The following PCDH11X variants were observed in gnomAD, a reference collection of about 807,000 sequenced individuals.
PCDH11X encodes protocadherin 11 X-linked, also known as protocadherin-11 X-linked.
PCDH11X carries 18 observed loss-of-function variants against 53.3 expected under a neutral mutation model. That is an observed-to-expected ratio of 0.34 (90% CI 0.23 to 0.50). The LOEUF is 0.50. Ranked by LOEUF, PCDH11X falls within the 20% of genes least tolerant of loss-of-function variation. PCDH11X has a pLI of 0.98. For missense variants in PCDH11X, 570 were observed against 1,032.4 expected, an observed-to-expected ratio of 0.55 and a Z score of 6.14; for synonymous variants, 279 against 393.3, an observed-to-expected ratio of 0.71 and a Z score of 3.44.
At chrX:91,985,554 C>T (rs1401745484) in intron 6 of PCDH11X, among the ~76,000 whole-genome samples, 4 of 112,096 alleles carry the variant, frequency 3.6e-5, no homozygotes, top group East Asian at 2.8e-4. Flanking sequence ...GTTTAATTTA[C>T]GACATTCAGG....
chrX:92,178,693 A>C (rs998601663), intron 6 of PCDH11X, among the ~76,000 whole-genome samples: 1 of 111,744 alleles, frequency 8.9e-6, no homozygotes, highest in Non-Finnish European at 1.9e-5. Context: ...TGATTTACCA[A>C]GGATAGAAGG....
rs1249262957 is a variant in PCDH11X, at chrX:92,221,278, A to AATAC, written c.3114+19824_3114+19825insTACA. On this transcript the variant is annotated intron_variant, in intron 7 of 10. Coordinates refer to ENST00000682573, the MANE Select transcript of PCDH11X (RefSeq NM_032968.5). ...TTTTAAAAAAGAAAACATTGTATAC[A>AATAC]ACACACACACACACACACACACACA... 1.6e-3 allele frequency among the ~76,000 whole-genome samples: 145 copies of AATAC among 88,031 alleles called. 4 individuals are homozygous for AATAC. The highest frequency in any genetic ancestry group is 1.9e-3 in the Non-Finnish European group (87 of 46,762). 76.4% of individuals were successfully genotyped at this position (88,031 alleles called of 115,157 possible).
intron 8 of PCDH11X, among the ~76,000 whole-genome samples, chrX:92,340,101 G>T (rs2069718027): frequency 1.8e-5 from 2 of 111,781 alleles, no homozygotes; most frequent in Admixed American, 9.5e-5. Flanking sequence ...CATCAGGATG[G>T]TCATTAAATC....
At chrX:92,556,421 C>A (rs1266720811) in intron 10 of PCDH11X, among the ~76,000 whole-genome samples, 1 of 111,283 alleles carries the variant, frequency 9.0e-6, no homozygotes, top group African/African-American at 3.3e-5. Flanking sequence ...CTGGGTAATT[C>A]TATCTGTTCC....
At chrX:91,833,470 C>A (rs1292083254) in intron 4 of PCDH11X, among the ~76,000 whole-genome samples, 8 of 110,306 alleles carry the variant, frequency 7.3e-5, no homozygotes, top group Non-Finnish European at 1.5e-4. Flanking sequence ...AATACTATAC[C>A]ACAGGCAACA....
intron 10 of PCDH11X, among the ~76,000 whole-genome samples, chrX:92,592,808 G>T (rs1224932151): frequency 6.3e-5 from 7 of 111,907 alleles, no homozygotes; most frequent in African/African-American, 2.0e-4. Flanking sequence ...TATTTTAAAA[G>T]GATTTTTCGT....
chrX:91,832,807 TG>T (rs1937158855), intron 4 of PCDH11X, among the ~76,000 whole-genome samples: 1 of 111,387 alleles, frequency 9.0e-6, no homozygotes, highest in Non-Finnish European at 1.9e-5. Context: ...TTTTTCATTT[TG>T]GGGGGTTATC....
rs2073713603 is a variant in PCDH11X, at chrX:92,489,455, A to T, written c.3367+21133A>T. ...ATTTACGCTTGCATATTCATTTACCACAGAATTTATTTATCCGTTATCTCT... is the reference window on the plus strand; with the variant it reads ...ATTTACGCTTGCATATTCATTTACCTCAGAATTTATTTATCCGTTATCTCT... On this transcript the variant is annotated intron_variant, in intron 10 of 10. Coordinates refer to ENST00000682573, the MANE Select transcript of PCDH11X (RefSeq NM_032968.5). Among the ~76,000 whole-genome samples the T allele has an allele frequency of 3.6e-5, 4 of 110,393 alleles. No individual in the cohort carries two copies. The South Asian group carries it at 1.5e-3, about 42-fold the overall frequency.
chrX:92,197,657 C>T, intron 6 of PCDH11X, among the ~76,000 whole-genome samples: 1 of 111,949 alleles, frequency 8.9e-6, no homozygotes, highest in Non-Finnish European at 1.9e-5. Context: ...CAAAAAATAT[C>T]TCATATGCAT....
intron 6 of PCDH11X, among the ~76,000 whole-genome samples, chrX:91,895,001 C>A (rs374232226): frequency 9.0e-6 from 1 of 111,022 alleles, no homozygotes; most frequent in Non-Finnish European, 1.9e-5. Flanking sequence ...GGGCATGCAC[C>A]TTGACTCACA....
At chrX:92,518,669 C>T (rs957980182) in intron 10 of PCDH11X, among the ~76,000 whole-genome samples, 1 of 110,073 alleles carries the variant, frequency 9.1e-6, no homozygotes, top group African/African-American at 3.3e-5. Flanking sequence ...AGACCTTCTG[C>T]GAGCATGCTA....
intron 7 of PCDH11X, among the ~76,000 whole-genome samples, chrX:92,209,522 C>T (rs2066541812): frequency 8.9e-6 from 1 of 112,527 alleles, no homozygotes; most frequent in African/African-American, 3.2e-5. Context: ...GGATGGGCTC[C>T]CAAGTCCTTG....
rs1455613754 is a variant in PCDH11X, at chrX:92,423,463, T to C, written c.3343+35530T>C. On this transcript the variant is annotated intron_variant, in intron 9 of 10. Coordinates refer to ENST00000682573, the MANE Select transcript of PCDH11X (RefSeq NM_032968.5). ...TTGTCTGTTTACTCTGCTGATTGTT[T>C]CCTTTGCTGTGCAGAAGCTCTTCAG... is the stretch of plus-strand genomic sequence containing the variant. 4.2e-5 allele frequency among the ~76,000 whole-genome samples: 4 copies of C among 94,570 alleles called. 2 individuals carry two copies. Among genetic ancestry groups the C allele is most frequent in the Non-Finnish European group, 9.3e-5 (4 of 43,142 alleles). The allele number at this position is 94,570 out of a possible 115,157, so 82.1% of individuals were successfully genotyped here. A position where few individuals can be genotyped will look rare whatever the true frequency, so the allele number is the denominator to read the frequency against.
chrX:92,089,343 T>C (rs1385515067), intron 6 of PCDH11X, among the ~76,000 whole-genome samples: 11 of 111,036 alleles, frequency 9.9e-5, no homozygotes, highest in Non-Finnish European at 3.8e-5. Flanking sequence ...GTTAAATCAT[T>C]ATTGCTCACA....
At chrX:92,096,881 C>T (rs887357763) in intron 6 of PCDH11X, among the ~76,000 whole-genome samples, 3 of 110,967 alleles carry the variant, frequency 2.7e-5, no homozygotes, top group Non-Finnish European at 5.7e-5. Flanking sequence ...ATATCACATA[C>T]ATACACATTG....
At chrX:92,202,788 G>A (rs749224254) in intron 7 of PCDH11X, among the ~76,000 whole-genome samples, 158 of 111,567 alleles carry the variant, frequency 1.4e-3, no homozygotes, top group African/African-American at 4.9e-3. Context: ...TTGGAAGGCC[G>A]AGGAGTGTGG....
chrX:91,943,403 G>C (rs927933185), intron 6 of PCDH11X, among the ~76,000 whole-genome samples: 1 of 110,429 alleles, frequency 9.1e-6, no homozygotes, highest in African/African-American at 3.3e-5. Context: ...CAATTTTGCT[G>C]TGATCCTAAA....
intron 6 of PCDH11X, among the ~76,000 whole-genome samples, chrX:91,969,611 C>G (rs144910959): frequency 0.026 from 2,813 of 108,648 alleles, 73 homozygotes; most frequent in Admixed American, 0.1. Flanking sequence ...ACAGCCTGGG[C>G]AACATAGCGA....
rs763964116 is a variant in PCDH11X, at chrX:91,886,440, C to G, written c.3033+7167C>G. On this transcript the variant is annotated intron_variant, in intron 6 of 10. Coordinates refer to ENST00000682573, the MANE Select transcript of PCDH11X (RefSeq NM_032968.5). ...AGCACTCAAAGAAATATTATTTGAT[C>G]AAAATCTATAGTGCATAAATTAAAC... Among the ~76,000 whole-genome samples the G allele has an allele frequency of 5.3e-3, 583 of 110,531 alleles. 2 individuals are homozygous for G. The highest frequency in any genetic ancestry group is 7.7e-3 in the Non-Finnish European group (409 of 52,997).
Sources: gnomAD v4.1 joint callset for allele counts (sites outside exome capture counted in the v4.1 genomes callset) on GRCh38, gnomAD v4.1.1 for gene constraint, MANE v1.5 for transcripts, NCBI Gene and HGNC (gene_info 2026-07-23, HGNC 2026-07-21) for gene names.